The following ZFR2 variants were observed in gnomAD, a reference collection of about 807,000 sequenced individuals.
ZFR2 encodes zinc finger RNA-binding protein 2.
ZFR2 carries 104 observed loss-of-function variants against 105.7 expected under a neutral mutation model. The ratio of observed to expected loss-of-function variants is 0.98; its 90% CI spans 0.84 to 1.16. The LOEUF (loss-of-function observed/expected upper bound fraction) is 1.16. ZFR2 is among the 50% of genes most tolerant of loss of function. The pLI, the probability that ZFR2 is intolerant of heterozygous loss-of-function variation, is 0.00. For synonymous variants in ZFR2, 634 were observed against 597.7 expected (o/e 1.06, Z -0.89); for missense variants, 1,425 against 1,355.5 (o/e 1.05, Z -0.80).
intron 1 of ZFR2, among the ~76,000 whole-genome samples, chr19:3,844,675 T>C (rs2038170401): frequency 6.6e-6 from 1 of 152,204 alleles, no homozygotes; most frequent in Non-Finnish European, 1.5e-5. Flanking sequence ...GGCCCAATGT[T>C]TTACATTTAA....
chr19:3,849,137 C>T (rs142257435), intron 1 of ZFR2, among the ~76,000 whole-genome samples: 7 of 152,360 alleles, frequency 4.6e-5, no homozygotes, highest in Non-Finnish European at 7.3e-5. Flanking sequence ...CCTTGCCCCT[C>T]CAACCTGGAG....
Position 3,831,809 on chromosome 19 carries a change from G to A in ZFR2, c.449C>T (p.Ala150Val), listed in dbSNP as rs1229818934. The change falls in exon 4 of 19, where the codon GCG becomes GTG. Residue 150 changes from alanine to valine, a missense_variant. Coordinates refer to ENST00000262961, the MANE Select transcript of ZFR2 (RefSeq NM_015174.2). ...TGGCTGTCCGGACTCCACTATGGGCGCCTGCTGTGGGGGCTGAGCGTGGCT... is the reference window on the plus strand; with the variant it reads ...TGGCTGTCCGGACTCCACTATGGGCACCTGCTGTGGGGGCTGAGCGTGGCT... ...SHSHAQPPQQ[A>V]PIVESGQPAS... is the part of the protein sequence containing the mutation. 8.1e-6 allele frequency: 13 copies of A among 1,608,872 alleles called. No homozygotes were observed. Among genetic ancestry groups the A allele is most frequent in the Non-Finnish European group, 8.5e-6 (10 of 1,179,324 alleles).
intron 5 of ZFR2, among the ~76,000 whole-genome samples, chr19:3,828,302 G>A (rs745489901): frequency 4.1e-4 from 63 of 152,140 alleles, no homozygotes; most frequent in Non-Finnish European, 6.6e-4. Flanking sequence ...ACACCACCAC[G>A]CGTAGCTAAT....
intron 14 of ZFR2, among the ~76,000 whole-genome samples, chr19:3,812,289 A>G (rs2037774228): frequency 6.6e-6 from 1 of 152,044 alleles, no homozygotes. Flanking sequence ...TACCTTGCCC[A>G]GGCTGGTCTC....
chr19:3,867,946 C>T (rs901828052), intron 1 of ZFR2, among the ~76,000 whole-genome samples: 1 of 151,740 alleles, frequency 6.6e-6, no homozygotes, highest in East Asian at 1.9e-4. Flanking sequence ...TTCTCTCCTA[C>T]CCCCACCATC....
At chr19:3,837,898 G>A (rs2038094343) in intron 1 of ZFR2, among the ~76,000 whole-genome samples, 1 of 150,976 alleles carries the variant, frequency 6.6e-6, no homozygotes, top group Non-Finnish European at 1.5e-5. Context: ...CAGACACCTG[G>A]TGAACACCAT....
At position 3,861,603 on chromosome 19, in the gene ZFR2, G is replaced by C. The variant is rs559471961; in HGVS notation, c.53+7362C>G. 7.3e-5 allele frequency among the ~76,000 whole-genome samples: 11 copies of C among 151,630 alleles called. No individual in the cohort carries two copies. In the South Asian group the frequency reaches 2.3e-3, roughly 32 times the overall value. ...ACCACACCACTGTGCTCCAGCCTGG[G>C]TGACAGAGTGAGACCCTATCTCAAA... On this transcript the variant is annotated intron_variant, in intron 1 of 18. Coordinates refer to ENST00000262961, the MANE Select transcript of ZFR2 (RefSeq NM_015174.2).
intron 1 of ZFR2, among the ~76,000 whole-genome samples, chr19:3,850,834 G>A (rs1159183755): frequency 7.0e-6 from 1 of 143,398 alleles, no homozygotes; most frequent in Non-Finnish European, 1.5e-5. Flanking sequence ...AAGCTCAGGA[G>A]ATTGAGGCTG....
At position 3,813,699 on chromosome 19, in the gene ZFR2, C is replaced by A. The variant is rs960979363; in HGVS notation, c.2242+121G>T. 1.4e-6 allele frequency: 2 copies of A among 1,385,660 alleles called. No homozygotes were observed. The highest frequency in any genetic ancestry group is 4.6e-5 in the East Asian group (2 of 43,554). The allele number at this position is 1,385,660 out of a possible 1,614,324, so 85.8% of individuals were successfully genotyped here. A position where few individuals can be genotyped will look rare whatever the true frequency, so the allele number is the denominator to read the frequency against. ...CCTCAGGGGGACAGCAGTGCTGGAG[C>A]GTGGCTGCTGTGGCATTTCCTGCTC... On this transcript the variant is annotated intron_variant, in intron 14 of 18. Coordinates refer to ENST00000262961, the MANE Select transcript of ZFR2 (RefSeq NM_015174.2). The surrounding 1 kb of genome is among the most constrained non-coding windows in gnomAD (Gnocchi z 4.4).
intron 1 of ZFR2, among the ~76,000 whole-genome samples, chr19:3,864,168 G>A (rs1452806615): frequency 6.6e-6 from 1 of 152,060 alleles, no homozygotes; most frequent in Non-Finnish European, 1.5e-5. Context: ...GAGATCTCTT[G>A]AGGCCGGTTC....
intron 1 of ZFR2, among the ~76,000 whole-genome samples, chr19:3,837,522 G>A (rs535888023): frequency 6.5e-4 from 97 of 149,986 alleles, no homozygotes; most frequent in Middle Eastern, 7.2e-3. Context: ...CGTGACACTC[G>A]ATGAACACCA....
At position 3,838,326 on chromosome 19, in the gene ZFR2, C is replaced by T. The variant is rs2038100279; in HGVS notation, c.54-3343G>A. Among the ~76,000 whole-genome samples the T allele has an allele frequency of 6.6e-6, 1 of 152,192 alleles. No homozygotes were observed. The highest frequency in any genetic ancestry group is 1.5e-5 in the Non-Finnish European group (1 of 68,024). ...CTATGACAGTGGCAGTACTCCTGTT[C>T]CCACACTCCCTCCCGTAGGTGGCTA... On this transcript the variant is annotated intron_variant, in intron 1 of 18. Coordinates refer to ENST00000262961, the MANE Select transcript of ZFR2 (RefSeq NM_015174.2). This position sits in a 1 kb window ranked among gnomAD's most constrained non-coding sequence, Gnocchi z 4.9.
intron 1 of ZFR2, among the ~76,000 whole-genome samples, chr19:3,863,928 G>C (rs2038401410): frequency 6.6e-6 from 1 of 152,142 alleles, no homozygotes; most frequent in Non-Finnish European, 1.5e-5. Flanking sequence ...GATCACGTGA[G>C]GGCTCAGTCA....
rs1425265882 is a variant in ZFR2 at position 3,867,885 on chromosome 19, C to T, written c.53+1080G>A. 2.0e-5 allele frequency among the ~76,000 whole-genome samples: 3 copies of T among 152,008 alleles called. No homozygotes were observed. The East Asian group carries it at 5.8e-4, about 30-fold the overall frequency. ...CAGGTTCCCACCCCTACTCCACACC[C>T]CACCCCAGGTCTCTGCCCCTGCCTG... On this transcript the variant is annotated intron_variant, in intron 1 of 18. Transcript: ENST00000262961.
chr19:3,812,726 C>T (rs2037779298), intron 14 of ZFR2, among the ~76,000 whole-genome samples: 1 of 151,854 alleles, frequency 6.6e-6, no homozygotes, highest in South Asian at 2.1e-4. Context: ...CTGATCGTGA[C>T]TTTCCATTTA....
intron 17 of ZFR2, among the ~76,000 whole-genome samples, chr19:3,808,168 TGTGCCTGTGCGTGTGCATGCAC>T (rs2037722718): frequency 6.6e-6 from 1 of 150,870 alleles, no homozygotes; most frequent in Admixed American, 6.6e-5. Flanking sequence ...TGTCCATGTG[TGTGCCTGTGCGTGTGCATGCAC>T]GTGCCTGTGT....
Position 3,827,620 on chromosome 19 carries a change from T to G in ZFR2, c.886A>C (p.Arg296=), listed in dbSNP as rs2037966068. 6.3e-7 allele frequency: 1 copy of G among 1,584,184 alleles called. No homozygotes were observed. The highest frequency in any genetic ancestry group is 8.6e-7 in the Non-Finnish European group (1 of 1,165,710). The change falls in exon 6 of 19, where the codon AGA becomes CGA. Residue 296 remains arginine, a synonymous_variant. Coordinates refer to ENST00000262961, the MANE Select transcript of ZFR2 (RefSeq NM_015174.2). ...GTCTTCTGGGCCGCCTCCTTCTTTC[T>G]GTGCTTCTGCCCTCCCAGATGTTCC... The part of the protein sequence containing the change: ...YREHLGGQKH[R]KKEAAQKTGV...
chr19:3,832,732 C>T (rs892677245), intron 3 of ZFR2, among the ~76,000 whole-genome samples: 2 of 151,724 alleles, frequency 1.3e-5, no homozygotes, highest in African/African-American at 4.8e-5. Context: ...AGTTCCTGGG[C>T]TCAGGCGAAC....
At chr19:3,831,262 A>G (rs1477530641) in intron 5 of ZFR2, 41 bp downstream of exon 5, 1 of 1,458,980 alleles carries the variant, frequency 6.9e-7, no homozygotes, top group East Asian at 2.5e-5. Context: ...TTGGGGACAG[A>G]GAGGTCCCTG....
Sources: gnomAD v4.1 joint callset for allele counts (sites outside exome capture counted in the v4.1 genomes callset) on GRCh38, gnomAD v4.1.1 for gene constraint, Gnocchi (gnomAD v3.1) non-coding constraint, MANE v1.5 for transcripts, NCBI Gene and HGNC (gene_info 2026-07-23, HGNC 2026-07-21) for gene names.